Variants in GALNT13 observed in about 807,000 individuals in gnomAD.
The protein encoded by GALNT13 is polypeptide N-acetylgalactosaminyltransferase 13, also known as UDP-GalNAc:polypeptide N-acetylgalactosaminyltransferase 13.
In GALNT13, 28 loss-of-function variants were observed where a neutral mutation model predicts 64.2. That is an observed-to-expected ratio of 0.44 (90% CI 0.32 to 0.60). The LOEUF is 0.60. GALNT13 is among the 20% of genes least tolerant of loss of function. The pLI, the probability that GALNT13 is intolerant of heterozygous loss-of-function variation, is 0.05. For missense variants in GALNT13, 577 were observed against 669.8 expected (o/e 0.86, Z 1.53); for synonymous variants, 214 against 224.6 (o/e 0.95, Z 0.42).
At chr2:153,985,197 A>G (rs1332954102) in intron 3 of GALNT13, among the ~76,000 whole-genome samples, 1 of 152,000 alleles carries the variant, frequency 6.6e-6, no homozygotes, top group Non-Finnish European at 1.5e-5. Context: ...TCTTAGAAAA[A>G]CTAAATATGC....
chr2:153,904,604 A>G (rs1383554361), intron 2 of GALNT13, among the ~76,000 whole-genome samples: 2 of 151,888 alleles, frequency 1.3e-5, no homozygotes, highest in Non-Finnish European at 2.9e-5. Context: ...TATTGTCTAT[A>G]AATTTCCTGT....
At chr2:154,216,802 C>CTTTTTTTTTTTTTTTTTTTTTTTTTTTTT (rs397872685) in intron 4 of GALNT13, among the ~76,000 whole-genome samples, 1 of 71,296 alleles carries the variant, frequency 1.4e-5, no homozygotes, top group Non-Finnish European at 2.6e-5. Flanking sequence ...TTCTCTCTCT[C>CTTTTTTTTTTTTTTTTTTTTTTTTTTTTT]TTTTTTTTTT....
intron 9 of GALNT13, among the ~76,000 whole-genome samples, chr2:154,359,111 T>G (rs1696918759): frequency 6.6e-6 from 1 of 152,096 alleles, no homozygotes; most frequent in East Asian, 1.9e-4. Flanking sequence ...TACTTCTATG[T>G]GTATTCCTGT....
At chr2:154,354,914 A>G (rs1236213271) in intron 9 of GALNT13, among the ~76,000 whole-genome samples, 1 of 146,994 alleles carries the variant, frequency 6.8e-6, no homozygotes, top group African/African-American at 2.7e-5. Context: ...CTATACATAG[A>G]ATTTCCCATT....
Position 154,130,236 on chromosome 2 carries a change from C to T in GALNT13, c.143-10101C>T, listed in dbSNP as rs575304705. Among the ~76,000 whole-genome samples the T allele has an allele frequency of 2.2e-3, 334 of 152,208 alleles. 1 individual carries two copies. The highest frequency in any genetic ancestry group is 6.9e-3 in the South Asian group (33 of 4,812). ...ACTATGGAAATAAATGCCTTGACCT[C>T]ATTCATCTTCTGTCTCCTAATACTC... On this transcript the variant is annotated intron_variant, in intron 3 of 12. Coordinates refer to ENST00000392825, the MANE Select transcript of GALNT13 (RefSeq NM_052917.4).
At chr2:153,964,760 G>T (rs1045961874) in intron 3 of GALNT13, among the ~76,000 whole-genome samples, 2 of 151,628 alleles carry the variant, frequency 1.3e-5, no homozygotes, top group African/African-American at 4.8e-5. Context: ...TTAAAATAAA[G>T]AAGAAAATTA....
Position 154,038,083 on chromosome 2 carries a change from G to A in GALNT13, c.142+93444G>A, listed in dbSNP as rs149987964. On this transcript the variant is annotated intron_variant, in intron 3 of 12. Transcript: ENST00000392825. ...GAACCCGGGAGGTTGATACTGCAGT[G>A]AGCCATATTTGTGCCACCTCACTAC... 2.9e-3 allele frequency among the ~76,000 whole-genome samples: 447 copies of A among 152,104 alleles called. 3 individuals are homozygous for A. The highest frequency in any genetic ancestry group is 9.9e-3 in the African/African-American group (411 of 41,486).
chr2:153,839,057 A>G, the GALNT13 span, among the ~76,000 whole-genome samples: 9 of 151,678 alleles, frequency 5.9e-5, no homozygotes, highest in Admixed American at 2.0e-4. Flanking sequence ...TTTTATTAAT[A>G]TCTTTTGGGT....
chr2:153,414,968 A>G, the GALNT13 span, among the ~76,000 whole-genome samples: 1 of 152,036 alleles, frequency 6.6e-6, no homozygotes, highest in Non-Finnish European at 1.5e-5. Flanking sequence ...AGTTTTAAGG[A>G]CATCATCTAC....
At chr2:153,670,406 C>T in the GALNT13 span, among the ~76,000 whole-genome samples, 1 of 152,164 alleles carries the variant, frequency 6.6e-6, no homozygotes, top group Admixed American at 6.5e-5. Flanking sequence ...CCCAGGCAAA[C>T]AGGGTATGGA....
the GALNT13 span, among the ~76,000 whole-genome samples, chr2:153,086,709 TTTTA>T: frequency 1.3e-5 from 2 of 150,232 alleles, no homozygotes; most frequent in African/African-American, 4.9e-5. Flanking sequence ...TTTTATTTTA[TTTTA>T]TTTATTTTAT....
chr2:153,256,981 C>G, the GALNT13 span, among the ~76,000 whole-genome samples: 1 of 152,262 alleles, frequency 6.6e-6, no homozygotes. Context: ...GGGCTCCACC[C>G]AGTTCGAGCT....
At chr2:154,070,117 C>T (rs1384590388) in intron 3 of GALNT13, among the ~76,000 whole-genome samples, 2 of 151,846 alleles carry the variant, frequency 1.3e-5, no homozygotes, top group African/African-American at 2.4e-5. Flanking sequence ...ATATGTGGCC[C>T]TAGATTTAAA....
chr2:153,728,951 C>T, the GALNT13 span, among the ~76,000 whole-genome samples: 1 of 152,116 alleles, frequency 6.6e-6, no homozygotes, highest in Non-Finnish European at 1.5e-5. Context: ...GAAGTCAAAT[C>T]CCTGAATAGA....
At chr2:153,105,628 C>T in the GALNT13 span, among the ~76,000 whole-genome samples, 1 of 152,164 alleles carries the variant, frequency 6.6e-6, no homozygotes, top group Non-Finnish European at 1.5e-5. Context: ...AAAACCCCAT[C>T]ATCTCAGCCC....
chr2:154,278,883 C>T (rs1691802701), intron 8 of GALNT13, among the ~76,000 whole-genome samples: 1 of 151,748 alleles, frequency 6.6e-6, no homozygotes, highest in Non-Finnish European at 1.5e-5. Context: ...TAAATATGAG[C>T]AAAGTAATTA....
chr2:153,426,823 C>T, the GALNT13 span, among the ~76,000 whole-genome samples: 2 of 151,538 alleles, frequency 1.3e-5, no homozygotes, highest in Admixed American at 1.3e-4. Context: ...CAGTGGGCTC[C>T]TTTGAAATGT....
intron 3 of GALNT13, among the ~76,000 whole-genome samples, chr2:154,098,931 A>T (rs1159992440): frequency 1.3e-5 from 2 of 151,704 alleles, no homozygotes; most frequent in Non-Finnish European, 2.9e-5. Flanking sequence ...CTTTGGGTAG[A>T]TACACAGTAG....
chr2:153,421,341 A>T, the GALNT13 span: 1 of 218,606 alleles, frequency 4.6e-6, no homozygotes, highest in African/African-American at 2.3e-5. Flanking sequence ...GGTGCTCAGT[A>T]TTGGGGTTTC....
Sources: allele counts gnomAD v4.1 joint callset (sites outside exome capture counted in the v4.1 genomes callset), GRCh38; gene constraint gnomAD v4.1.1; transcripts MANE v1.5; gene names NCBI Gene and HGNC (gene_info 2026-07-23, HGNC 2026-07-21).